KCNU1: variants seen among roughly 807,000 people sequenced by gnomAD.
The protein encoded by KCNU1 is potassium calcium-activated channel subfamily U member 1, also known as potassium channel subfamily U member 1.
A neutral mutation model predicts 126.8 loss-of-function variants in KCNU1; 93 were observed. The observed-to-expected ratio is 0.73, with a 90% CI of 0.62 to 0.87. The LOEUF (loss-of-function observed/expected upper bound fraction) is 0.87, where lower values mean the gene tolerates loss of function less well. KCNU1 is among the 40% of genes least tolerant of loss of function. The pLI is 0.00. For missense variants in KCNU1, 1,330 were observed against 1,367.1 expected (o/e 0.97, Z 0.43); for synonymous variants, 523 against 494.2 (o/e 1.06, Z -0.77).
intron 22 of KCNU1, among the ~76,000 whole-genome samples, chr8:36,916,635 G>A (rs988961510): frequency 2.0e-5 from 3 of 152,176 alleles, no homozygotes; most frequent in Admixed American, 1.3e-4. Flanking sequence ...ATCCCATCAA[G>A]AGTAAGAATT....
chr8:36,842,522 A>C (rs1804994829), intron 16 of KCNU1, among the ~76,000 whole-genome samples: 1 of 152,216 alleles, frequency 6.6e-6, no homozygotes, highest in Admixed American at 6.5e-5. Context: ...TGAGCCTCCT[A>C]CTAGAAACAG....
chr8:36,916,648 C>A (rs766898828), intron 22 of KCNU1, among the ~76,000 whole-genome samples: 12 of 152,130 alleles, frequency 7.9e-5, no homozygotes, highest in Admixed American at 3.9e-4. Context: ...TAAGAATTAT[C>A]AGTGAATTAT....
chr8:36,878,033 C>A (rs866361820), intron 19 of KCNU1, among the ~76,000 whole-genome samples: 5 of 152,166 alleles, frequency 3.3e-5, no homozygotes, highest in African/African-American at 9.7e-5. Flanking sequence ...CTAAATACCC[C>A]AGATTACCAA....
At chr8:36,932,894 CAT>C in intron 25 of KCNU1, 24 bp from the exon 26 acceptor site, 1 of 1,305,168 alleles carries the variant, frequency 7.7e-7, no homozygotes, top group South Asian at 1.3e-5. Context: ...GCCCAGCAGA[CAT>C]ATTTTTGTCT....
rs746597517 is a variant in KCNU1, at chr8:36,918,807, C to G, written c.2522-16C>G. ...GGCATTGTGTTTGCATTTATCACCT[C>G]TTTTCTTCTTTGCAGAGGAGACTCC... On this transcript the variant is annotated splice_polypyrimidine_tract_variant and intron_variant, in intron 22 of 26. Transcript: ENST00000399881. 6.5e-7 allele frequency: 1 copy of G among 1,537,758 alleles called. No individual in the cohort carries two copies. Among genetic ancestry groups the G allele is most frequent in the South Asian group, 1.1e-5 (1 of 88,488 alleles).
chr8:36,859,074 G>T (rs992286245), intron 18 of KCNU1, among the ~76,000 whole-genome samples: 2 of 152,126 alleles, frequency 1.3e-5, no homozygotes, highest in African/African-American at 4.8e-5. Flanking sequence ...CCAGATGATG[G>T]CAGCAGAGTA....
At chr8:36,840,910 G>A (rs1804926110) in intron 15 of KCNU1, 22 bp from the exon 16 acceptor site, 1 of 1,580,568 alleles carries the variant, frequency 6.3e-7, no homozygotes, top group African/African-American at 1.3e-5. Flanking sequence ...CTCTCCTTTT[G>A]ACTCCTCGTC....
chr8:36,799,854 T>C (rs1012889137), intron 2 of KCNU1, among the ~76,000 whole-genome samples: 2 of 152,064 alleles, frequency 1.3e-5, no homozygotes, highest in Non-Finnish European at 2.9e-5. Flanking sequence ...GCACTTTTAA[T>C]TATAATTTTT....
At chr8:36,864,724 T>C (rs564496096) in intron 19 of KCNU1, among the ~76,000 whole-genome samples, 66 of 152,290 alleles carry the variant, frequency 4.3e-4, no homozygotes, top group African/African-American at 1.6e-3. Flanking sequence ...GCTCAAATCA[T>C]CTGTACCCAT....
At chr8:36,790,861 T>C (rs1802876666) in intron 2 of KCNU1, among the ~76,000 whole-genome samples, 1 of 152,024 alleles carries the variant, frequency 6.6e-6, no homozygotes, top group African/African-American at 2.4e-5. Context: ...AGTACTTATA[T>C]GAAAATCCCC....
intron 10 of KCNU1, among the ~76,000 whole-genome samples, chr8:36,820,251 A>G (rs1804073615): frequency 6.6e-6 from 1 of 152,162 alleles, no homozygotes; most frequent in African/African-American, 2.4e-5. Flanking sequence ...TAAGGTCTAT[A>G]ATTTCTAGGA....
At chr8:36,830,091 TAATAA>T (rs1345018572) in intron 10 of KCNU1, among the ~76,000 whole-genome samples, 1 of 149,672 alleles carries the variant, frequency 6.7e-6, no homozygotes, top group Non-Finnish European at 1.5e-5. Flanking sequence ...TTTATCTTTG[TAATAA>T]AATAAAATAA....
intron 3 of KCNU1, 123 bp downstream of exon 3, chr8:36,804,211 ACT>A (rs1803416384): frequency 3.0e-6 from 2 of 677,618 alleles, no homozygotes; most frequent in East Asian, 5.5e-5. Flanking sequence ...ACACACACAA[ACT>A]CATAAAAAGT....
Position 36,909,439 on chromosome 8 carries a change from G to A in KCNU1, c.2235G>A (p.Arg745=), listed in dbSNP as rs1807775812. 3 of 1,613,380 alleles carry A rather than the reference G, an allele frequency of 1.9e-6. No individual in the cohort carries two copies. Among genetic ancestry groups the A allele is most frequent in the Non-Finnish European group, 2.5e-6 (3 of 1,179,346 alleles). The change falls in exon 21 of 27, where the codon AGG becomes AGA. Residue 745 remains arginine, a synonymous_variant. Transcript: ENST00000399881. Reference sequence around the variant, plus strand: ...CCTTGAGAGCCAGCAACTATACCAGGAAGGAGCTGAAGGACATAGTGTTCA... The same window carrying A: ...CCTTGAGAGCCAGCAACTATACCAGAAAGGAGCTGAAGGACATAGTGTTCA... ...VMPLRASNYT[R]KELKDIVFIG... is the part of the protein sequence containing the mutation.
chr8:36,933,952 T>G (rs1472923231), intron 26 of KCNU1, among the ~76,000 whole-genome samples: 2 of 152,054 alleles, frequency 1.3e-5, no homozygotes, highest in African/African-American at 4.8e-5. Context: ...TTAGATTAGC[T>G]GCTGAGAGGA....
rs548135036 is a variant in KCNU1 at position 36,896,098 on chromosome 8, T to A, written c.2010-9610T>A. ...AACTATGAATGCCAATTTTTAAAAATCCCTTAAAAATTATTTTTTTATTAG... is the reference window on the plus strand; with the variant it reads ...AACTATGAATGCCAATTTTTAAAAAACCCTTAAAAATTATTTTTTTATTAG... On this transcript the variant is annotated intron_variant, in intron 19 of 26. Coordinates refer to ENST00000399881, the MANE Select transcript of KCNU1 (RefSeq NM_001031836.3). Among the ~76,000 whole-genome samples the A allele has an allele frequency of 1.4e-3, 196 of 135,460 alleles. 1 individual carries two copies. The highest frequency in any genetic ancestry group is 7.4e-3 in the Middle Eastern group (2 of 270). The allele number at this position is 135,460 out of a possible 152,430, so 88.9% of individuals were successfully genotyped here. A position where few individuals can be genotyped will look rare whatever the true frequency, so the allele number is the denominator to read the frequency against.
intron 2 of KCNU1, among the ~76,000 whole-genome samples, chr8:36,797,589 C>T (rs1282843608): frequency 2.0e-5 from 3 of 151,388 alleles, no homozygotes; most frequent in Non-Finnish European, 4.4e-5. Context: ...TTATTATGTA[C>T]CAGTTTTTCT....
At chr8:36,807,762 G>A (rs1006396336) in intron 6 of KCNU1, among the ~76,000 whole-genome samples, 1 of 150,914 alleles carries the variant, frequency 6.6e-6, no homozygotes, top group Admixed American at 6.6e-5. Flanking sequence ...GCAATTCAGA[G>A]GCATTGGTTC....
intron 24 of KCNU1, among the ~76,000 whole-genome samples, chr8:36,927,483 G>C (rs986461555): frequency 1.3e-5 from 2 of 152,108 alleles, no homozygotes; most frequent in African/African-American, 4.8e-5. Flanking sequence ...ATTTGAACTT[G>C]GGGAGCACTT....
Sources: allele counts gnomAD v4.1 joint callset (sites outside exome capture counted in the v4.1 genomes callset), GRCh38; gene constraint gnomAD v4.1.1; transcripts MANE v1.5; gene names NCBI Gene and HGNC (gene_info 2026-07-23, HGNC 2026-07-21).